Variants in ADGB observed in about 807,000 individuals in gnomAD.
ADGB encodes the protein calpain-7-like protein.
In ADGB, 172 loss-of-function variants were observed where a neutral mutation model predicts 210.5. That is an observed-to-expected ratio of 0.82 (90% CI 0.72 to 0.93). The LOEUF (loss-of-function observed/expected upper bound fraction) is 0.93. ADGB is among the 40% of genes least tolerant of loss of function. The pLI is 0.00. For synonymous variants in ADGB, 658 were observed against 662.7 expected, an observed-to-expected ratio of 0.99 and a Z score of 0.11; for missense variants, 2,025 against 1,964.8, an observed-to-expected ratio of 1.03 and a Z score of -0.58.
At chr6:146,746,339 AC>A (rs748618337) in intron 26 of ADGB, among the ~76,000 whole-genome samples, 2 of 152,066 alleles carry the variant, frequency 1.3e-5, no homozygotes, top group Non-Finnish European at 2.9e-5. Flanking sequence ...ATCCTACTTG[AC>A]TTTGATTAAA....
In ADGB at chr6:146,764,042, T is replaced by A; in HGVS notation, c.3692T>A (p.Val1231Glu). 1.3e-6 allele frequency: 2 copies of A among 1,551,354 alleles called. No homozygotes were observed. Among genetic ancestry groups the A allele is most frequent in the South Asian group, 1.2e-5 (1 of 84,040 alleles). Residue 1231 changes from valine to glutamate, a missense_variant, in exon 28 of 36, where the codon GTG becomes GAG. Val to Glu is a moderately radical substitution (Grantham distance 121). Coordinates refer to ENST00000397944, the MANE Select transcript of ADGB (RefSeq NM_024694.4). ...ATACAAGACATTGGTCTACCCCTTG[T>A]GGAGGAGGAAACTACCAGTACACCC... is the stretch of plus-strand genomic sequence containing the variant. ...SAIQDIGLPL[V>E]EEETTSTPTR...
At chr6:146,767,921 C>T (rs1048642656) in intron 28 of ADGB, among the ~76,000 whole-genome samples, 1 of 147,454 alleles carries the variant, frequency 6.8e-6, no homozygotes, top group Admixed American at 6.7e-5. Flanking sequence ...AAACAAAAAT[C>T]AGTAGTGTTC....
chr6:146,735,046 AAAG>A (rs1395456867), intron 22 of ADGB, among the ~76,000 whole-genome samples: 4 of 151,966 alleles, frequency 2.6e-5, no homozygotes, highest in Non-Finnish European at 5.9e-5. Context: ...TGTAAAAAAA[AAAG>A]AATCTATTTA....
chr6:146,764,577 A>G (rs552028336), intron 28 of ADGB, among the ~76,000 whole-genome samples: 1 of 152,334 alleles, frequency 6.6e-6, no homozygotes, highest in African/African-American at 2.4e-5. Flanking sequence ...ATTAAATTAA[A>G]GGAATAGAAA....
At chr6:146,691,500 ATTTT>A (rs71031007) in intron 11 of ADGB, among the ~76,000 whole-genome samples, 5 of 13,630 alleles carry the variant, frequency 3.7e-4, no homozygotes, top group Non-Finnish European at 5.0e-4. Context: ...ATATATATAT[ATTTT>A]TTTTTTTTTT....
rs951273821 is a variant in ADGB, at chr6:146,599,078, G to T, written c.38G>T (p.Arg13Leu). 13 of 1,551,576 alleles carry T rather than the reference G, an allele frequency of 8.4e-6. No homozygotes were observed. The highest frequency in any genetic ancestry group is 1.1e-5 in the Non-Finnish European group (13 of 1,146,994). ...SKQTKKKEVH[R>L]INSAHGSDKS... is the part of the protein sequence containing the mutation. ...CAAACCAAAAAGAAAGAGGTGCATC[G>T]TATCAACTCGGCGCACGGATCGGAT... Residue 13 changes from arginine (R) to leucine (L), a missense_variant, in exon 1 of 36, where the codon CGT becomes CTT. Coordinates refer to ENST00000397944, the MANE Select transcript of ADGB (RefSeq NM_024694.4).
At chr6:146,747,781 G>GTT (rs1217209841) in intron 26 of ADGB, among the ~76,000 whole-genome samples, 8 of 103,988 alleles carry the variant, frequency 7.7e-5, no homozygotes, top group African/African-American at 2.7e-4. Flanking sequence ...ATATATATAT[G>GTT]TATTTTTTTT....
At chr6:146,759,655 T>G (rs1380901177) in intron 27 of ADGB, among the ~76,000 whole-genome samples, 1 of 151,770 alleles carries the variant, frequency 6.6e-6, no homozygotes. Context: ...TGCATATATA[T>G]GAAATAAATG....
intron 5 of ADGB, among the ~76,000 whole-genome samples, chr6:146,663,594 C>T (rs766690677): frequency 6.6e-6 from 1 of 152,022 alleles, no homozygotes; most frequent in African/African-American, 2.4e-5. Flanking sequence ...CACACATAGA[C>T]ACATGCACGC....
At chr6:146,737,838 TC>T (rs1374926106) in intron 23 of ADGB, among the ~76,000 whole-genome samples, 1 of 152,180 alleles carries the variant, frequency 6.6e-6, no homozygotes. Context: ...GTTGTTCTTC[TC>T]CATGTGATCT....
chr6:146,703,586 T>A (rs533362482), intron 13 of ADGB, among the ~76,000 whole-genome samples: 1 of 152,084 alleles, frequency 6.6e-6, no homozygotes, highest in East Asian at 1.9e-4. Context: ...TTATTTAACT[T>A]CACATAAGGT....
At chr6:146,798,946 C>T (rs1391579459) in intron 33 of ADGB, among the ~76,000 whole-genome samples, 1 of 147,988 alleles carries the variant, frequency 6.8e-6, no homozygotes, top group Non-Finnish European at 1.5e-5. Flanking sequence ...ACCTATTGTT[C>T]AGATAGTAAT....
In ADGB at chr6:146,769,104, A is replaced by C; in HGVS notation, c.3835A>C (p.Lys1279Gln). 6.6e-7 allele frequency: 1 copy of C among 1,524,266 alleles called. No homozygotes were observed. The highest frequency in any genetic ancestry group is 8.9e-7 in the Non-Finnish European group (1 of 1,127,688). The allele number at this position is 1,524,266 out of a possible 1,614,324, so 94.4% of individuals were successfully genotyped here. A position where few individuals can be genotyped will look rare whatever the true frequency, so the allele number is the denominator to read the frequency against. Residue 1279 changes from lysine (K) to glutamine (Q), a missense_variant, in exon 29 of 36, where the codon AAA becomes CAA. Physicochemically the swap from Lys to Gln is moderately conservative, Grantham distance 53. Transcript: ENST00000397944. Reference protein sequence around the residue: ...ESQLTFVQALKDLKKSNTKAY... With the variant: ...ESQLTFVQALQDLKKSNTKAY... Reference sequence around the variant, plus strand: ...CCAGCTGACATTTGTTCAAGCACTGAAAGACTTAAAGAAAAGTAATACCAA... The same window carrying C: ...CCAGCTGACATTTGTTCAAGCACTGCAAGACTTAAAGAAAAGTAATACCAA...
At chr6:146,727,636 G>A (rs1488255817) in intron 19 of ADGB, among the ~76,000 whole-genome samples, 1 of 152,132 alleles carries the variant, frequency 6.6e-6, no homozygotes, top group Non-Finnish European at 1.5e-5. Context: ...GATTGTTGGA[G>A]CTCAAGTCCA....
At chr6:146,647,095 A>AAC (rs1562263743) in intron 3 of ADGB, among the ~76,000 whole-genome samples, 1 of 145,078 alleles carries the variant, frequency 6.9e-6, no homozygotes, top group Non-Finnish European at 1.5e-5. Flanking sequence ...TCTCAAAAAA[A>AAC]AACAAAAAAC....
At chr6:146,780,397 G>A (rs1042344329) in intron 29 of ADGB, among the ~76,000 whole-genome samples, 8 of 152,042 alleles carry the variant, frequency 5.3e-5, no homozygotes, top group African/African-American at 1.9e-4. Flanking sequence ...AAGTTAAAAG[G>A]CAGCAAATGG....
chr6:146,685,369 A>G (rs1458918647), intron 9 of ADGB, among the ~76,000 whole-genome samples: 1 of 152,062 alleles, frequency 6.6e-6, no homozygotes, highest in Non-Finnish European at 1.5e-5. Context: ...TAAAGATCCT[A>G]TCTATGAAAG....
intron 1 of ADGB, among the ~76,000 whole-genome samples, chr6:146,607,526 A>G (rs539146784): frequency 6.6e-6 from 1 of 152,154 alleles, no homozygotes; most frequent in Non-Finnish European, 1.5e-5. Flanking sequence ...CGCTGGCTGT[A>G]GTTTTTCATA....
chr6:146,654,239 A>G, intron 4 of ADGB, 33 bp downstream of exon 4: 3 of 1,447,720 alleles, frequency 2.1e-6, no homozygotes, highest in Non-Finnish European at 2.8e-6. Flanking sequence ...AAGTCTCACC[A>G]TGAAATGACT....
Sources: gnomAD v4.1 joint callset for allele counts (sites outside exome capture counted in the v4.1 genomes callset) on GRCh38, gnomAD v4.1.1 for gene constraint, MANE v1.5 for transcripts, NCBI Gene and HGNC (gene_info 2026-07-23, HGNC 2026-07-21) for gene names.